The following WTAP variants were observed in gnomAD, a reference collection of about 807,000 sequenced individuals.
The protein encoded by WTAP is pre-mRNA-splicing regulator WTAP.
In WTAP, 8 loss-of-function variants were observed where a neutral mutation model predicts 50.0. The ratio of observed to expected loss-of-function variants is 0.16; its 90% CI spans 0.09 to 0.29. The LOEUF (loss-of-function observed/expected upper bound fraction) is 0.29. Among genes scored for constraint, WTAP ranks in the 10% least tolerant of loss-of-function variants. The pLI is 1.00. For synonymous variants in WTAP, 194 were observed against 169.0 expected (o/e 1.15, Z -1.15); for missense variants, 295 against 470.7 (o/e 0.63, Z 3.45).
At chr6:159,744,006 T>C (rs1001718056) in intron 5 of WTAP, among the ~76,000 whole-genome samples, 7 of 152,206 alleles carry the variant, frequency 4.6e-5, no homozygotes, top group African/African-American at 1.7e-4. Context: ...TTTAAGTTTT[T>C]TTTGAAATTT....
chr6:159,728,856 A>G (rs1266196490), intron 1 of WTAP, among the ~76,000 whole-genome samples: 1 of 152,184 alleles, frequency 6.6e-6, no homozygotes, highest in Non-Finnish European at 1.5e-5. Flanking sequence ...ACATGGTTTA[A>G]AAGTTCAGTA....
intron 6 of WTAP, among the ~76,000 whole-genome samples, chr6:159,752,105 A>G (rs1779842123): frequency 6.6e-6 from 1 of 152,078 alleles, no homozygotes; most frequent in Non-Finnish European, 1.5e-5. Flanking sequence ...ACCATGCAAC[A>G]CTTCAAAGAT....
chr6:159,728,747 C>T (rs1778383585), intron 1 of WTAP, among the ~76,000 whole-genome samples: 1 of 152,124 alleles, frequency 6.6e-6, no homozygotes, highest in Admixed American at 6.5e-5. Flanking sequence ...GATTGCAGTC[C>T]GCAAAGCTGG....
chr6:159,754,318 G>C (rs1460677156), intron 7 of WTAP, among the ~76,000 whole-genome samples: 1 of 152,052 alleles, frequency 6.6e-6, no homozygotes, highest in Non-Finnish European at 1.5e-5. Flanking sequence ...AACAGTCCTT[G>C]GTTGAGAACA....
At position 159,736,538 on chromosome 6, in the gene WTAP, G is replaced by A. The variant is rs190267912; in HGVS notation, c.30+243G>A. On this transcript the variant is annotated intron_variant, in intron 2 of 7. Coordinates refer to ENST00000621533, the MANE Select transcript of WTAP (RefSeq NM_001270531.2). ...ACTTTAGTTATAATAATATTCCCAT[G>A]GTCTACTCTTAATGTTCATTATGTG... is the stretch of plus-strand genomic sequence containing the variant. 1.1e-3 allele frequency: 426 copies of A among 370,762 alleles called. 2 individuals are homozygous for A. The highest frequency in any genetic ancestry group is 3.6e-3 in the South Asian group (57 of 15,790). The allele number at this position is 370,762 out of a possible 1,614,324, so 23.0% of individuals were successfully genotyped here. A position where few individuals can be genotyped will look rare whatever the true frequency, so the allele number is the denominator to read the frequency against.
upstream of WTAP, chr6:159,727,406 A>AGGCGGGAGGCGGGAGGCGGGGGGCG (rs761734374): frequency 2.0e-6 from 1 of 491,242 alleles, no homozygotes; most frequent in African/African-American, 3.6e-5. Flanking sequence ...GGCGGGAGGC[A>AGGCGGGAGGCGGGAGGCGGGGGGCG]GTGGCGCTGG....
chr6:159,739,200 A>C (rs1036905675), intron 3 of WTAP, among the ~76,000 whole-genome samples, 155 bp downstream of exon 3: 4 of 152,206 alleles, frequency 2.6e-5, no homozygotes, highest in African/African-American at 9.6e-5. Flanking sequence ...CCTATTTCTT[A>C]TATTAACACC....
intron 1 of WTAP, among the ~76,000 whole-genome samples, chr6:159,730,337 T>C (rs1778490305): frequency 6.6e-6 from 1 of 152,248 alleles, no homozygotes; most frequent in Admixed American, 6.5e-5. Context: ...ATGGTCATTC[T>C]GTTTTTCTGA....
chr6:159,732,233 T>G (rs1032044026), intron 1 of WTAP, among the ~76,000 whole-genome samples: 21 of 152,208 alleles, frequency 1.4e-4, no homozygotes, highest in Non-Finnish European at 2.4e-4. Context: ...CCAACTATAA[T>G]AACTTTTATA....
chr6:159,753,279 G>A (rs1465755674), intron 6 of WTAP, 181 bp from the exon 7 acceptor site: 1 of 883,498 alleles, frequency 1.1e-6, no homozygotes, highest in Non-Finnish European at 1.7e-6. Context: ...TTACTGCTGT[G>A]TTGGCAAAAT....
chr6:159,735,047 TAAA>T (rs750259713), intron 1 of WTAP, among the ~76,000 whole-genome samples: 2 of 152,210 alleles, frequency 1.3e-5, no homozygotes, highest in South Asian at 2.1e-4. Context: ...TTTTGTATAA[TAAA>T]GAAGCTAATT....
Position 159,755,772 on chromosome 6 carries a change from T to G in WTAP, c.*161T>G. The G allele has an allele frequency of 1.0e-6, 1 of 986,374 alleles. No individual in the cohort carries two copies. Among genetic ancestry groups the G allele is most frequent in the Non-Finnish European group, 1.3e-6 (1 of 771,796 alleles). 61.1% of individuals were successfully genotyped at this position (986,374 alleles called of 1,614,324 possible). ...TTGTTTTTTTTTTCTTTTCTTTTTT[T>G]TTTTTTTTTTTTTTTTTTGCTTCAA... On this transcript the variant is annotated 3_prime_UTR_variant, in exon 8 of 8. Transcript: ENST00000621533.
intron 5 of WTAP, among the ~76,000 whole-genome samples, chr6:159,747,412 G>A (rs2114942518): frequency 6.6e-6 from 1 of 152,240 alleles, no homozygotes; most frequent in African/African-American, 2.4e-5. Flanking sequence ...CTCAAAATAA[G>A]CAGTTTGGAT....
chr6:159,727,378 G>A (rs111664512), upstream of WTAP: 28,930 of 450,464 alleles, frequency 0.064, 1,319 homozygotes, highest in Middle Eastern at 0.18. Context: ...GGAGGCTGGC[G>A]GGAGGCGGGA....
chr6:159,745,826 A>G (rs990887297), intron 5 of WTAP, among the ~76,000 whole-genome samples: 6 of 152,224 alleles, frequency 3.9e-5, no homozygotes, highest in Admixed American at 3.9e-4. Flanking sequence ...GATGAAATAC[A>G]TGAAGCCACT....
intron 6 of WTAP, among the ~76,000 whole-genome samples, chr6:159,752,116 T>G (rs143572467): frequency 2.0e-4 from 31 of 151,708 alleles, no homozygotes; most frequent in African/African-American, 6.8e-4. Flanking sequence ...CTTCAAAGAT[T>G]GATAAAATAT....
intron 2 of WTAP, among the ~76,000 whole-genome samples, chr6:159,737,610 G>T (rs1272534851): frequency 1.3e-5 from 2 of 151,662 alleles, no homozygotes; most frequent in African/African-American, 2.4e-5. Flanking sequence ...TCCCACCTTT[G>T]CCCCCCAAAG....
intron 3 of WTAP, 182 bp from the exon 4 acceptor site, chr6:159,741,906 C>T (rs532791277): frequency 6.4e-5 from 31 of 486,516 alleles, no homozygotes; most frequent in South Asian, 5.0e-4. Flanking sequence ...ACCCTGTTTG[C>T]GCCACGCTGC....
chr6:159,736,367 A>C, intron 2 of WTAP, 72 bp downstream of exon 2: 2 of 1,201,912 alleles, frequency 1.7e-6, no homozygotes, highest in Non-Finnish European at 2.4e-6. Context: ...CACTTTAAAA[A>C]AAAATAGACT....
Sources: allele counts gnomAD v4.1 joint callset (sites outside exome capture counted in the v4.1 genomes callset), GRCh38; gene constraint gnomAD v4.1.1; transcripts MANE v1.5; gene names NCBI Gene and HGNC (gene_info 2026-07-23, HGNC 2026-07-21).